Variants in KCNJ16 observed in about 807,000 individuals in gnomAD.
KCNJ16 encodes potassium inwardly rectifying channel subfamily J member 16, also known as inward rectifier potassium channel 16.
In KCNJ16, 15 loss-of-function variants were observed where a neutral mutation model predicts 18.5. The ratio of observed to expected loss-of-function variants is 0.81; its 90% CI spans 0.54 to 1.25. KCNJ16 has a LOEUF of 1.25. KCNJ16 is among the 50% of genes most tolerant of loss of function. The pLI, the probability that KCNJ16 is intolerant of heterozygous loss-of-function variation, is 0.00. For missense variants in KCNJ16, 523 were observed against 525.7 expected (o/e 0.99, Z 0.05); for synonymous variants, 174 against 186.5 (o/e 0.93, Z 0.55).
rs16975210 is a variant in KCNJ16, at chr17:70,129,589, A to G, written c.-190-1290A>G. The stretch of plus-strand genomic sequence containing the variant: ...TCGTTGGAGAGTCAAGAAAAGGATG[A>G]GTGTATAGACCTAAACAGAATCTGA... On this transcript the variant is annotated intron_variant, in intron 2 of 3. Transcript: ENST00000392671. Among the ~76,000 whole-genome samples the G allele has an allele frequency of 1.6e-3, 249 of 152,342 alleles. 1 individual carries two copies. The highest frequency in any genetic ancestry group is 5.8e-3 in the African/African-American group (242 of 41,578).
intron 1 of KCNJ16, chr17:70,096,762 G>C (rs369058586): frequency 7.8e-6 from 3 of 384,606 alleles, no homozygotes; most frequent in Non-Finnish European, 9.2e-6. Flanking sequence ...ATCTCAGAGC[G>C]AGCGTGAATG....
intron 1 of KCNJ16, among the ~76,000 whole-genome samples, chr17:70,092,596 TAGATAGATA>T (rs1567782700): frequency 2.0e-5 from 3 of 151,592 alleles, no homozygotes; most frequent in African/African-American, 7.3e-5. Flanking sequence ...GATAGATAGA[TAGATAGATA>T]GATAGATGAG....
At chr17:70,076,458 AGAG>A (rs996047454) in intron 1 of KCNJ16, among the ~76,000 whole-genome samples, 96 of 147,872 alleles carry the variant, frequency 6.5e-4, no homozygotes, top group Middle Eastern at 3.5e-3. Context: ...TCAAATCAAA[AGAG>A]AGAGAAAGAG....
intron 1 of KCNJ16, among the ~76,000 whole-genome samples, chr17:70,085,931 A>C (rs1345537778): frequency 1.8e-4 from 28 of 152,216 alleles, no homozygotes; most frequent in Admixed American, 1.8e-3. Context: ...ATCTAACGAA[A>C]GTAATGTTTT....
chr17:70,096,050 T>C (rs1259470867), intron 1 of KCNJ16, among the ~76,000 whole-genome samples: 1 of 151,674 alleles, frequency 6.6e-6, no homozygotes, highest in Non-Finnish European at 1.5e-5. Flanking sequence ...GTCTGGCTAA[T>C]TTTTTGTATT....
chr17:70,110,961 A>G (rs949418169), intron 2 of KCNJ16, among the ~76,000 whole-genome samples: 2 of 152,142 alleles, frequency 1.3e-5, no homozygotes, highest in African/African-American at 4.8e-5. Flanking sequence ...CCCAGTGTGT[A>G]TATCAAGGGC....
At chr17:70,096,568 T>C (rs570762751) in intron 1 of KCNJ16, 24 of 179,562 alleles carry the variant, frequency 1.3e-4, no homozygotes, top group African/African-American at 5.1e-4. Context: ...AGTTCCAATA[T>C]GTAATGCTTA....
chr17:70,076,494 A>G (rs2071316254), intron 1 of KCNJ16, among the ~76,000 whole-genome samples: 1 of 152,180 alleles, frequency 6.6e-6, no homozygotes, highest in African/African-American at 2.4e-5. Flanking sequence ...AGTAACTTAG[A>G]GATGTAATCC....
Position 70,131,976 on chromosome 17 carries a change from T to C in KCNJ16, c.-93-19T>C, listed in dbSNP as rs1479648444. On this transcript the variant is annotated intron_variant, in intron 3 of 3. Transcript: ENST00000392671. ...CATTGAAAGCTAAAAAGTGTGTTTTTGTTGTTGTTGTTTTTTAGGTTCTAA... is the reference window on the plus strand; with the variant it reads ...CATTGAAAGCTAAAAAGTGTGTTTTCGTTGTTGTTGTTTTTTAGGTTCTAA... 1.3e-6 allele frequency: 2 copies of C among 1,537,816 alleles called. No individual in the cohort carries two copies.
Position 70,133,168 on chromosome 17 carries a change from GA to G in KCNJ16, c.1083del (p.Glu361AspfsTer47). 2 of 1,614,192 alleles carry G rather than the reference GA, an allele frequency of 1.2e-6. No individual in the cohort carries two copies. The highest frequency in any genetic ancestry group is 4.5e-5 in the East Asian group (2 of 44,888). Reference protein sequence around the residue: ...LHIEKAPPVRESCTSDTKARR... With the variant: ...LHIEKAPPVRXSCTSDTKARR... The stretch of plus-strand genomic sequence containing the variant: ...CATAGAAAAAGCACCACCAGTTCGA[GA>G]ATCCTGCACGTCGGACACCAAGGCG... On this transcript the variant is annotated frameshift_variant, in exon 4 of 4. Coordinates refer to ENST00000392671, the MANE Select transcript of KCNJ16 (RefSeq NM_170741.4). LOFTEE classifies it low-confidence loss of function (END_TRUNC).
chr17:70,124,152 G>A (rs1247211836), intron 2 of KCNJ16, among the ~76,000 whole-genome samples: 4 of 152,172 alleles, frequency 2.6e-5, no homozygotes, highest in East Asian at 1.9e-4. Context: ...CCTAAGGCTC[G>A]GAATGAAGAG....
At chr17:70,100,927 G>T (rs568030289) in intron 2 of KCNJ16, 161 bp downstream of exon 2, 2 of 152,314 alleles carry the variant, frequency 1.3e-5, no homozygotes, top group Admixed American at 1.3e-4. Flanking sequence ...CAAATTCGGT[G>T]TTACAAACAT....
chr17:70,083,798 C>T (rs763305199), intron 1 of KCNJ16, among the ~76,000 whole-genome samples: 1 of 152,064 alleles, frequency 6.6e-6, no homozygotes, highest in Non-Finnish European at 1.5e-5. Context: ...AGCTGACATC[C>T]CTGTATCTGG....
At chr17:70,094,111 T>C (rs966002356) in intron 1 of KCNJ16, among the ~76,000 whole-genome samples, 26 of 152,232 alleles carry the variant, frequency 1.7e-4, no homozygotes, top group African/African-American at 4.8e-4. Context: ...TTTTCTTCCA[T>C]AATGTCTCTT....
intron 2 of KCNJ16, among the ~76,000 whole-genome samples, chr17:70,102,981 C>A (rs193223341): frequency 2.0e-5 from 3 of 151,400 alleles, no homozygotes; most frequent in Admixed American, 1.3e-4. Context: ...GCCGCTCTGG[C>A]TGGAGGGCAG....
intron 2 of KCNJ16, among the ~76,000 whole-genome samples, chr17:70,118,397 T>A (rs2073496616): frequency 6.6e-6 from 1 of 152,108 alleles, no homozygotes; most frequent in Non-Finnish European, 1.5e-5. Context: ...ATCCAAGAAC[T>A]TAATGTATCA....
At chr17:70,077,607 T>C (rs544779517) in intron 1 of KCNJ16, among the ~76,000 whole-genome samples, 1 of 151,974 alleles carries the variant, frequency 6.6e-6, no homozygotes, top group African/African-American at 2.4e-5. Context: ...TAAGTAAAAG[T>C]AGATTTCATG....
chr17:70,133,794 G>T lies in KCNJ16; in HGVS notation c.*450G>T, dbSNP rs2074146973. 5.9e-6 allele frequency: 1 copy of T among 170,024 alleles called. No homozygotes were observed. Among genetic ancestry groups the T allele is most frequent in the Admixed American group, 6.3e-5 (1 of 15,794 alleles). 10.5% of individuals were successfully genotyped at this position (170,024 alleles called of 1,614,324 possible). ...TCATATCTAACCAAGATATGCAAAA[G>T]ATGCATTCAGTAAGCTGTAACGTTG... On this transcript the variant is annotated 3_prime_UTR_variant, in exon 4 of 4. Coordinates refer to ENST00000392671, the MANE Select transcript of KCNJ16 (RefSeq NM_170741.4).
chr17:70,098,978 C>T (rs1306049927), intron 1 of KCNJ16, among the ~76,000 whole-genome samples: 1 of 152,196 alleles, frequency 6.6e-6, no homozygotes, highest in African/African-American at 2.4e-5. Flanking sequence ...CTTATCAAAT[C>T]CACATTCTGA....
Sources: allele counts gnomAD v4.1 joint callset (sites outside exome capture counted in the v4.1 genomes callset), GRCh38; gene constraint gnomAD v4.1.1; transcripts MANE v1.5; gene names NCBI Gene and HGNC (gene_info 2026-07-23, HGNC 2026-07-21).